SLC35A5: variants seen among roughly 807,000 people sequenced by gnomAD.
The protein encoded by SLC35A5 is UDP-sugar transporter protein SLC35A5.
Under a neutral mutation model 36.3 loss-of-function variants are expected in SLC35A5, and 28 were observed. The ratio of observed to expected loss-of-function variants is 0.77; its 90% CI spans 0.57 to 1.06. The LOEUF (loss-of-function observed/expected upper bound fraction) is 1.06, where lower values mean the gene tolerates loss of function less well. SLC35A5 is among the 50% of genes least tolerant of loss of function. SLC35A5 has a pLI of 0.00. For missense variants in SLC35A5, 521 were observed against 499.3 expected, an observed-to-expected ratio of 1.04 and a Z score of -0.41; for synonymous variants, 180 against 173.7, an observed-to-expected ratio of 1.04 and a Z score of -0.29.
At chr3:112,562,041 T>A (rs1319969674), upstream of SLC35A5, 6 of 170,076 alleles carry the variant, frequency 3.5e-5, no homozygotes, top group Non-Finnish European at 7.5e-5. Flanking sequence ...TCCGGAAGCG[T>A]AACACTGAAC....
intron 5 of SLC35A5, among the ~76,000 whole-genome samples, chr3:112,580,316 A>T (rs1044218685): frequency 6.6e-6 from 1 of 152,208 alleles, no homozygotes; most frequent in African/African-American, 2.4e-5. Flanking sequence ...CCTACACAGA[A>T]GGGAAATGAC....
Position 112,563,508 on chromosome 3 carries a change from A to G in SLC35A5, c.105A>G (p.Leu35=). The G allele has an allele frequency of 1.2e-6, 2 of 1,605,736 alleles. No homozygotes were observed. Among genetic ancestry groups the G allele is most frequent in the East Asian group, 2.2e-5 (1 of 44,722 alleles). Reference sequence around the variant, plus strand: ...TTGCTTTAAGCTCAAGTCGCATCTTACTAGTGAAGTATTCTGCCAATGAAG... The same window carrying G: ...TTGCTTTAAGCTCAAGTCGCATCTTGCTAGTGAAGTATTCTGCCAATGAAG... ...IFIALSSSRI[L]LVKYSANEEN... is the part of the protein sequence containing the mutation. The change falls in exon 2 of 7, where the codon TTA becomes TTG. Residue 35 remains leucine (L), a synonymous_variant. Transcript: ENST00000492406.
intron 4 of SLC35A5, among the ~76,000 whole-genome samples, chr3:112,572,043 C>A (rs111978849): frequency 0.068 from 9,873 of 144,634 alleles, 416 homozygotes; most frequent in Admixed American, 0.13. Context: ...CCCGGGTTCA[C>A]GCCATTCTCC....
intron 4 of SLC35A5, among the ~76,000 whole-genome samples, 159 bp from the exon 5 acceptor site, chr3:112,573,730 G>C (rs995193003): frequency 6.6e-6 from 1 of 152,296 alleles, no homozygotes; most frequent in South Asian, 2.1e-4. Context: ...TTTGACAAGC[G>C]ACAAAACTGG....
chr3:112,578,828 G>T (rs67513863), intron 5 of SLC35A5, among the ~76,000 whole-genome samples: 4,551 of 151,826 alleles, frequency 0.03, 98 homozygotes, highest in Middle Eastern at 0.044. Context: ...ACTTATATGC[G>T]ATTTGCAATA....
intron 5 of SLC35A5, among the ~76,000 whole-genome samples, chr3:112,574,955 C>T (rs1311246828): frequency 6.6e-6 from 1 of 151,990 alleles, no homozygotes; most frequent in South Asian, 2.1e-4. Flanking sequence ...GTTTGTTCTA[C>T]GTATCTGTCA....
chr3:112,571,616 C>T (rs1338463575), intron 4 of SLC35A5, among the ~76,000 whole-genome samples: 1 of 152,164 alleles, frequency 6.6e-6, no homozygotes, highest in Non-Finnish European at 1.5e-5. Flanking sequence ...AATGGACGCA[C>T]AGTTCCACAA....
intron 1 of SLC35A5, among the ~76,000 whole-genome samples, 158 bp downstream of exon 1, chr3:112,562,431 C>G (rs934113077): frequency 2.0e-5 from 3 of 152,168 alleles, no homozygotes; most frequent in Non-Finnish European, 2.9e-5. Context: ...AGGCGTGCGC[C>G]CAATGGGGCT....
intron 4 of SLC35A5, 123 bp downstream of exon 4, chr3:112,570,793 G>A: frequency 1.1e-6 from 1 of 911,614 alleles, no homozygotes; most frequent in Non-Finnish European, 1.6e-6. Context: ...TGGCCTTCCT[G>A]AGATTTCCCC....
chr3:112,579,608 A>G (rs978828816), intron 5 of SLC35A5, among the ~76,000 whole-genome samples: 3 of 152,014 alleles, frequency 2.0e-5, no homozygotes, highest in African/African-American at 4.8e-5. Context: ...ATAAACTTCA[A>G]TTAATTTTTC....
At position 112,567,333 on chromosome 3, in the gene SLC35A5, G is replaced by A. The variant is rs533773655; in HGVS notation, c.131-1838G>A. Among the ~76,000 whole-genome samples, 4 of 152,082 alleles carry A rather than the reference G, an allele frequency of 2.6e-5. No individual in the cohort carries two copies. The South Asian group carries it at 8.3e-4, about 32-fold the overall frequency. ...AAGATTTGTTTTGAGTTGGAGTCTCGCTCTGTCTGGAGTGCACTGGCGCGA... is the reference window on the plus strand; with the variant it reads ...AAGATTTGTTTTGAGTTGGAGTCTCACTCTGTCTGGAGTGCACTGGCGCGA... On this transcript the variant is annotated intron_variant, in intron 2 of 6. Transcript: ENST00000492406.
At position 112,583,924 on chromosome 3, in the gene SLC35A5, T is replaced by C. The variant is rs1935046387; in HGVS notation, c.*1188T>C. The C allele has an allele frequency of 1.3e-5, 2 of 152,154 alleles. No individual in the cohort carries two copies. The highest frequency in any genetic ancestry group is 2.1e-4 in the South Asian group (1 of 4,838). The allele number at this position is 152,154 out of a possible 1,614,324, so 9.4% of individuals were successfully genotyped here. On this transcript the variant is annotated 3_prime_UTR_variant, in exon 7 of 7. Coordinates refer to ENST00000492406, the MANE Select transcript of SLC35A5 (RefSeq NM_017945.5). ...TCAGGGTCATGCAGCTGGGTGATGA[T>C]AGAAGAGTGGGCTTTAACTGGCAGG...
chr3:112,583,136 T>A lies in SLC35A5; in HGVS notation c.*400T>A, dbSNP rs1049282219. 5 of 398,966 alleles carry A rather than the reference T, an allele frequency of 1.3e-5. No homozygotes were observed. The East Asian group carries it at 1.8e-4, about 14-fold the overall frequency. The allele number at this position is 398,966 out of a possible 1,614,324, so 24.7% of individuals were successfully genotyped here. A position where few individuals can be genotyped will look rare whatever the true frequency, so the allele number is the denominator to read the frequency against. On this transcript the variant is annotated 3_prime_UTR_variant, in exon 7 of 7. Coordinates refer to ENST00000492406, the MANE Select transcript of SLC35A5 (RefSeq NM_017945.5). ...CTAGTTTACATGCCAAAGTCTTCCC[T>A]TTTTAACATTATAAAAGCTAGGTTG...
chr3:112,583,183 A>G lies in SLC35A5; in HGVS notation c.*447A>G. ...GTTGTCTCTTGAATTTTGAGGCCCT[A>G]GAGATAGTCATTTTGCAAGTAAAGA... is the stretch of plus-strand genomic sequence containing the variant. On this transcript the variant is annotated 3_prime_UTR_variant, in exon 7 of 7. Coordinates refer to ENST00000492406, the MANE Select transcript of SLC35A5 (RefSeq NM_017945.5). 2.5e-6 allele frequency: 1 copy of G among 398,226 alleles called. No homozygotes were observed. Among genetic ancestry groups the G allele is most frequent in the Non-Finnish European group, 4.4e-6 (1 of 225,808 alleles). The allele number at this position is 398,226 out of a possible 1,614,324, so 24.7% of individuals were successfully genotyped here. A position where few individuals can be genotyped will look rare whatever the true frequency, so the allele number is the denominator to read the frequency against.
At chr3:112,563,621 AAAT>A (rs1249458125) in intron 2 of SLC35A5, 88 bp downstream of exon 2, 12 of 1,283,056 alleles carry the variant, frequency 9.4e-6, no homozygotes, top group African/African-American at 3.0e-5. Context: ...TATAACATGG[AAAT>A]AATAATGCCT....
chr3:112,569,230 G>A lies in SLC35A5; in HGVS notation c.190G>A (p.Val64Ile), dbSNP rs757367654. Residue 64 changes from valine to isoleucine, a missense_variant, in exon 3 of 7, where the codon GTT (valine) becomes ATT (isoleucine). Coordinates refer to ENST00000492406, the MANE Select transcript of SLC35A5 (RefSeq NM_017945.5). Reference sequence around the variant, plus strand: ...TGTGTGCTCAGAACTGGTGAAGCTAGTTTTCTGTGTGCTTGTGTCATTCTG... The same window carrying A: ...TGTGTGCTCAGAACTGGTGAAGCTAATTTTCTGTGTGCTTGTGTCATTCTG... The part of the protein sequence containing the change: ...VNVCSELVKL[V>I]FCVLVSFCVI... The A allele has an allele frequency of 3.7e-5, 59 of 1,613,890 alleles. No individual in the cohort carries two copies. Among genetic ancestry groups the A allele is most frequent in the Non-Finnish European group, 4.9e-5 (58 of 1,179,942 alleles).
intron 3 of SLC35A5, among the ~76,000 whole-genome samples, 194 bp downstream of exon 3, chr3:112,569,463 G>C (rs1426981043): frequency 2.0e-5 from 3 of 152,224 alleles, no homozygotes; most frequent in Non-Finnish European, 4.4e-5. Flanking sequence ...TGCATAGGAA[G>C]GGGAGGAGCT....
intron 2 of SLC35A5, 94 bp downstream of exon 2, chr3:112,563,627 T>C: frequency 1.6e-6 from 2 of 1,257,130 alleles, no homozygotes; most frequent in East Asian, 2.8e-5. Context: ...ATGGAAATAA[T>C]AATGCCTTTT....
chr3:112,580,305 A>G (rs995259342), intron 5 of SLC35A5, among the ~76,000 whole-genome samples: 2 of 152,172 alleles, frequency 1.3e-5, no homozygotes, highest in Admixed American at 6.5e-5. Flanking sequence ...TTAAAAGGAA[A>G]CCTACACAGA....
Sources: allele counts gnomAD v4.1 joint callset (sites outside exome capture counted in the v4.1 genomes callset), GRCh38; gene constraint gnomAD v4.1.1; transcripts MANE v1.5; gene names NCBI Gene and HGNC (gene_info 2026-07-23, HGNC 2026-07-21).